Variants in GRIN2A observed in about 807,000 individuals in gnomAD.
GRIN2A encodes the protein glutamate receptor ionotropic, NMDA 2A.
In GRIN2A, 22 loss-of-function variants were observed where a neutral mutation model predicts 113.4. That is an observed-to-expected ratio of 0.19 (90% CI 0.14 to 0.28). GRIN2A has a LOEUF of 0.28. GRIN2A is among the 10% of genes least tolerant of loss of function. GRIN2A has a pLI of 1.00. For missense variants in GRIN2A, 1,502 were observed against 1,887.0 expected, an observed-to-expected ratio of 0.80 and a Z score of 3.78; for synonymous variants, 827 against 738.4, an observed-to-expected ratio of 1.12 and a Z score of -1.94.
At chr16:10,037,728 T>A (rs1171787080) in intron 2 of GRIN2A, among the ~76,000 whole-genome samples, 1 of 152,112 alleles carries the variant, frequency 6.6e-6, no homozygotes, top group Admixed American at 6.6e-5. Context: ...TGGACTCAGG[T>A]GATCCTCCCA....
intron 2 of GRIN2A, among the ~76,000 whole-genome samples, chr16:10,101,201 C>T (rs978687781): frequency 6.6e-6 from 1 of 152,232 alleles, no homozygotes; most frequent in African/African-American, 2.4e-5. Context: ...GCATGGTGGT[C>T]TGAAGCTCTC....
chr16:9,841,093 T>G lies in GRIN2A; in HGVS notation c.1340A>C (p.Asn447Thr), dbSNP rs367543145. 1.2e-6 allele frequency: 2 copies of G among 1,613,056 alleles called. No homozygotes were observed. Among genetic ancestry groups the G allele is most frequent in the East Asian group, 2.2e-5 (1 of 44,828 alleles). Residue 447 changes from asparagine to threonine, a missense_variant, in exon 6 of 13, where the codon AAT becomes ACT. Physicochemically the swap from Asn to Thr is moderately conservative, Grantham distance 65. Around this residue, in one of 7 missense-constraint regions of GRIN2A, gnomAD observed 334 missense variants for 403.0 expected, o/e 0.83. Coordinates refer to ENST00000330684, the MANE Select transcript of GRIN2A (RefSeq NM_001134407.3). Reference sequence around the variant, plus strand: ...GCATTTCTTCACATTCATCCCCTCATTGGTTGAATTGCTGTAAAGAAAAAC... The same window carrying G: ...GCATTTCTTCACATTCATCCCCTCAGTGGTTGAATTGCTGTAAAGAAAAAC... ...RKFVKINNST[N>T]EGMNVKKCCK...
At chr16:10,141,814 C>A (rs561804360) in intron 2 of GRIN2A, among the ~76,000 whole-genome samples, 296 of 152,282 alleles carry the variant, frequency 1.9e-3, no homozygotes, top group Middle Eastern at 6.8e-3. Context: ...AAATGAGATA[C>A]CAGAGCTCAG....
At chr16:9,865,891 T>G (rs1211852240) in intron 4 of GRIN2A, among the ~76,000 whole-genome samples, 1 of 152,216 alleles carries the variant, frequency 6.6e-6, no homozygotes, top group African/African-American at 2.4e-5. Flanking sequence ...ATTATAAAAT[T>G]ATATAAGATT....
At chr16:9,936,549 T>A (rs4780721) in intron 3 of GRIN2A, among the ~76,000 whole-genome samples, 1,685 of 151,968 alleles carry the variant, frequency 0.011, 44 homozygotes, top group African/African-American at 0.039. Flanking sequence ...CATGCAAAAT[T>A]GGGATAGGAG....
intron 9 of GRIN2A, among the ~76,000 whole-genome samples, chr16:9,825,876 G>A (rs558845519): frequency 6.6e-6 from 1 of 151,986 alleles, no homozygotes; most frequent in African/African-American, 2.4e-5. Context: ...TCCCTCCATT[G>A]GTTGTCACAA....
intron 11 of GRIN2A, among the ~76,000 whole-genome samples, chr16:9,778,892 C>T (rs1901772612): frequency 6.6e-6 from 1 of 152,162 alleles, no homozygotes; most frequent in Non-Finnish European, 1.5e-5. Context: ...TGCGGTAGTT[C>T]CTAGGTCTTC....
chr16:10,040,637 C>T (rs186585099), intron 2 of GRIN2A, among the ~76,000 whole-genome samples: 8 of 152,084 alleles, frequency 5.3e-5, no homozygotes, highest in African/African-American at 1.9e-4. Flanking sequence ...CATAAATACA[C>T]ATAGCATACA....
chr16:10,163,892 G>A (rs535778096), intron 2 of GRIN2A, among the ~76,000 whole-genome samples: 24 of 152,310 alleles, frequency 1.6e-4, no homozygotes, highest in Non-Finnish European at 3.2e-4. Context: ...ACCTTGTGGG[G>A]ATTCAATCAG....
intron 3 of GRIN2A, among the ~76,000 whole-genome samples, chr16:9,908,745 C>CA (rs2044075548): frequency 6.6e-6 from 1 of 152,218 alleles, no homozygotes; most frequent in African/African-American, 2.4e-5. Context: ...AGGAGATCCT[C>CA]ACGTCAGTAC....
chr16:9,799,429 C>A (rs1256901452), intron 10 of GRIN2A, among the ~76,000 whole-genome samples: 1 of 152,236 alleles, frequency 6.6e-6, no homozygotes, highest in East Asian at 1.9e-4. Flanking sequence ...CGTGGTCCTG[C>A]AGATGCCCTG....
chr16:9,924,767 C>G (rs980299623), intron 3 of GRIN2A, among the ~76,000 whole-genome samples: 2 of 152,118 alleles, frequency 1.3e-5, no homozygotes, highest in Non-Finnish European at 2.9e-5. Context: ...TTCAAGTTCA[C>G]TGATTTTTTT....
chr16:10,108,823 G>T (rs1020704511), intron 2 of GRIN2A, among the ~76,000 whole-genome samples: 2 of 151,978 alleles, frequency 1.3e-5, no homozygotes, highest in Admixed American at 6.6e-5. Flanking sequence ...AGCAAAAAAA[G>T]CACATAACAC....
chr16:10,124,655 TA>T (rs1418608412), intron 2 of GRIN2A, among the ~76,000 whole-genome samples: 1 of 152,138 alleles, frequency 6.6e-6, no homozygotes, highest in Non-Finnish European at 1.5e-5. Context: ...TCACAATTGA[TA>T]ACTAGAGAGC....
At chr16:9,998,303 A>G (rs1403647800) in intron 2 of GRIN2A, among the ~76,000 whole-genome samples, 1 of 152,210 alleles carries the variant, frequency 6.6e-6, no homozygotes, top group East Asian at 1.9e-4. Context: ...CAGGCATAAC[A>G]CTGTATGATT....
chr16:9,765,537 G>T (rs77443600), intron 12 of GRIN2A, among the ~76,000 whole-genome samples: 1 of 152,170 alleles, frequency 6.6e-6, no homozygotes, highest in African/African-American at 2.4e-5. Context: ...AAATTCATGT[G>T]AGGCTCATCA....
intron 2 of GRIN2A, among the ~76,000 whole-genome samples, chr16:10,065,749 G>A (rs11642972): frequency 0.039 from 5,969 of 152,182 alleles, 175 homozygotes; most frequent in Middle Eastern, 0.071. Context: ...AAGAGGATTG[G>A]ATACATTATT....
At chr16:10,063,108 C>A (rs2047579405) in intron 2 of GRIN2A, among the ~76,000 whole-genome samples, 1 of 152,036 alleles carries the variant, frequency 6.6e-6, no homozygotes, top group Non-Finnish European at 1.5e-5. Context: ...TTATCCTAAG[C>A]AAATTAACAC....
At chr16:9,935,487 T>A (rs2141621790) in intron 3 of GRIN2A, among the ~76,000 whole-genome samples, 1 of 150,218 alleles carries the variant, frequency 6.7e-6, no homozygotes, top group South Asian at 2.1e-4. Context: ...ATGTTAATTG[T>A]AAGAAGTATA....
Sources: gnomAD v4.1 joint callset for allele counts (sites outside exome capture counted in the v4.1 genomes callset) on GRCh38, gnomAD v4.1.1 for gene constraint, gnomAD v4.1.1 regional missense constraint, MANE v1.5 for transcripts, NCBI Gene and HGNC (gene_info 2026-07-23, HGNC 2026-07-21) for gene names.